EPN2: variants seen among roughly 807,000 people sequenced by gnomAD.
The protein encoded by EPN2 is epsin-2.
Under a neutral mutation model 61.7 loss-of-function variants are expected in EPN2, and 34 were observed. The ratio of observed to expected loss-of-function variants is 0.55; its 90% CI spans 0.42 to 0.73. The LOEUF is 0.73. EPN2 is among the 30% of genes least tolerant of loss of function. The pLI, the probability that EPN2 is intolerant of heterozygous loss-of-function variation, is 0.00. For synonymous variants in EPN2, 349 were observed against 353.6 expected, an observed-to-expected ratio of 0.99 and a Z score of 0.15; for missense variants, 714 against 839.2, an observed-to-expected ratio of 0.85 and a Z score of 1.84.
intron 7 of EPN2, among the ~76,000 whole-genome samples, chr17:19,319,026 G>A (rs775546339): frequency 3.3e-5 from 5 of 151,804 alleles, no homozygotes; most frequent in African/African-American, 9.7e-5. Flanking sequence ...GTGAAACCCC[G>A]TCTCTACTAA....
At chr17:19,255,998 C>T (rs1018696922) in intron 1 of EPN2, among the ~76,000 whole-genome samples, 3 of 151,918 alleles carry the variant, frequency 2.0e-5, no homozygotes, top group Admixed American at 2.0e-4. Context: ...AGTGCAGGGG[C>T]GCGATCTCAG....
intron 4 of EPN2, among the ~76,000 whole-genome samples, chr17:19,309,420 C>T (rs1029544735): frequency 2.0e-4 from 30 of 152,340 alleles, no homozygotes; most frequent in African/African-American, 7.2e-4. Context: ...TGAGCCACCG[C>T]GCCTGGCCTC....
rs768454446 is a variant in EPN2, at chr17:19,331,990, G to A, written c.1549G>A (p.Ala517Thr). Residue 517 changes from alanine (A) to threonine (T), a missense_variant, in exon 10 of 11, where the codon GCG (alanine) becomes ACG (threonine). This residue lies in a region of EPN2 where 410 missense variants were observed against 421.8 expected (regional missense o/e 0.97). Transcript: ENST00000314728. ...KTPESFLGPN[A>T]ALVNLDSLVT... Reference sequence around the variant, plus strand: ...ACCTGAGTCCTTCCTGGGCCCCAACGCGGCCCTGGTGAACCTGGACTCACT... The same window carrying A: ...ACCTGAGTCCTTCCTGGGCCCCAACACGGCCCTGGTGAACCTGGACTCACT... 7 of 1,613,878 alleles carry A rather than the reference G, an allele frequency of 4.3e-6. No individual in the cohort carries two copies. Among genetic ancestry groups the A allele is most frequent in the South Asian group, 1.1e-5 (1 of 91,086 alleles).
intron 1 of EPN2, among the ~76,000 whole-genome samples, chr17:19,262,266 G>T (rs1229111388): frequency 6.6e-6 from 1 of 152,062 alleles, no homozygotes; most frequent in African/African-American, 2.4e-5. Flanking sequence ...ACCACCTGAG[G>T]TCGGGAGTTC....
chr17:19,312,949 G>C, intron 6 of EPN2, 156 bp from the exon 7 acceptor site: 1 of 701,260 alleles, frequency 1.4e-6, no homozygotes, highest in Non-Finnish European at 2.4e-6. Flanking sequence ...GACGGGGAGG[G>C]AGATGGGACG....
At chr17:19,332,572 A>G (rs1015699656) in intron 10 of EPN2, among the ~76,000 whole-genome samples, 4 of 152,114 alleles carry the variant, frequency 2.6e-5, no homozygotes, top group Admixed American at 6.5e-5. Flanking sequence ...CAGCTGTTCA[A>G]TTGGGTATCC....
intron 1 of EPN2, among the ~76,000 whole-genome samples, chr17:19,280,816 C>T (rs2045352380): frequency 6.6e-6 from 1 of 152,150 alleles, no homozygotes; most frequent in Non-Finnish European, 1.5e-5. Context: ...CTTCAGATCC[C>T]ATATGTTGAG....
At chr17:19,257,049 T>C (rs2045088082) in intron 1 of EPN2, among the ~76,000 whole-genome samples, 1 of 152,204 alleles carries the variant, frequency 6.6e-6, no homozygotes, top group African/African-American at 2.4e-5. Context: ...AAATAGCAAG[T>C]CGCACAAGAA....
intron 1 of EPN2, among the ~76,000 whole-genome samples, chr17:19,268,159 C>T (rs1370534326): frequency 6.6e-6 from 1 of 152,150 alleles, no homozygotes; most frequent in African/African-American, 2.4e-5. Context: ...CATTGCAGTG[C>T]CCTTGATGGC....
chr17:19,254,319 ATTAC>A (rs1436821029), intron 1 of EPN2, among the ~76,000 whole-genome samples: 2 of 152,050 alleles, frequency 1.3e-5, no homozygotes, highest in Admixed American at 1.3e-4. Context: ...AGGCCGGTGG[ATTAC>A]TTGAGGTCAG....
At chr17:19,301,490 G>A (rs375470138) in intron 4 of EPN2, among the ~76,000 whole-genome samples, 64 of 152,268 alleles carry the variant, frequency 4.2e-4, no homozygotes, top group African/African-American at 1.4e-3. Context: ...CCAATTAAAT[G>A]TGTCCAGACT....
chr17:19,239,355 T>C (rs2044857007), intron 1 of EPN2, among the ~76,000 whole-genome samples: 1 of 152,226 alleles, frequency 6.6e-6, no homozygotes, highest in Admixed American at 6.5e-5. Flanking sequence ...TTTCGCCACG[T>C]TGGCCAGGCT....
Position 19,244,000 on chromosome 17 carries a change from C to G in EPN2, c.-294+6469C>G, listed in dbSNP as rs565807465. On this transcript the variant is annotated intron_variant, in intron 1 of 10. Coordinates refer to ENST00000314728, the MANE Select transcript of EPN2 (RefSeq NM_014964.5). The stretch of plus-strand genomic sequence containing the variant: ...ACTCAAAAATGACACTGAAATGTTT[C>G]TGAATATTGGTCTGAAGATGATGGA... 3.3e-4 allele frequency among the ~76,000 whole-genome samples: 51 copies of G among 152,250 alleles called. 1 individual carries two copies. The South Asian group carries it at 0.011, about 32-fold the overall frequency.
At chr17:19,273,116 C>T (rs974754569) in intron 1 of EPN2, 7 of 152,228 alleles carry the variant, frequency 4.6e-5, no homozygotes, top group African/African-American at 1.7e-4. Flanking sequence ...AATTTGAGCT[C>T]TGCTGTGTCT....
intron 1 of EPN2, among the ~76,000 whole-genome samples, chr17:19,247,370 G>T (rs1253775340): frequency 6.6e-6 from 1 of 152,192 alleles, no homozygotes; most frequent in East Asian, 1.9e-4. Context: ...CTAGCAGTTT[G>T]TTGAGCCATG....
rs1428477332 is a variant in EPN2, at chr17:19,312,109, C to T, written c.937C>T (p.Arg313Ter). 5.0e-6 allele frequency: 8 copies of T among 1,614,034 alleles called. No homozygotes were observed. Among genetic ancestry groups the T allele is most frequent in the Middle Eastern group, 1.6e-4 (1 of 6,062 alleles). Reference sequence around the variant, plus strand: ...ATTACAGATGGCCCTGGAAGAAAGCCGAAGGGACACAGTTAAAATTCCAAA... The same window carrying T: ...ATTACAGATGGCCCTGGAAGAAAGCTGAAGGGACACAGTTAAAATTCCAAA... ...LRLQMALEES[R>*]RDTVKIPKKK... The change falls in exon 6 of 11, where the codon CGA (arginine) becomes TGA (stop). Residue 313 changes from arginine to a stop codon, truncating the protein, a stop_gained. Transcript: ENST00000314728. LOFTEE classifies it high-confidence loss of function.
chr17:19,285,706 C>G lies in EPN2; in HGVS notation c.682C>G (p.Pro228Ala), dbSNP rs2045397688. Reference protein sequence around the residue: ...EELQPLSQRHPFLPHLGLASR... With the variant: ...EELQPLSQRHAFLPHLGLASR... Reference sequence around the variant, plus strand: ...GCTGCAGCCACTGAGCCAGCGCCACCCCTTCCTGCCGCACCTGGGGCTGGC... The same window carrying G: ...GCTGCAGCCACTGAGCCAGCGCCACGCCTTCCTGCCGCACCTGGGGCTGGC... The change falls in exon 4 of 11, where the codon CCC (proline) becomes GCC (alanine). Residue 228 changes from proline (P) to alanine (A), a missense_variant. Pro to Ala is a conservative substitution (Grantham distance 27). Transcript: ENST00000314728. The surrounding 1 kb of genome is among the most constrained non-coding windows in gnomAD (Gnocchi z 4.5). 1.2e-6 allele frequency: 2 copies of G among 1,601,654 alleles called. No individual in the cohort carries two copies.
intron 4 of EPN2, among the ~76,000 whole-genome samples, chr17:19,302,756 T>C (rs957178505): frequency 6.6e-6 from 1 of 152,144 alleles, no homozygotes; most frequent in Non-Finnish European, 1.5e-5. Context: ...CGTGGAAAAA[T>C]TGTCTTCCAC....
intron 9 of EPN2, among the ~76,000 whole-genome samples, chr17:19,331,370 C>T (rs958454481): frequency 3.3e-5 from 5 of 152,136 alleles, no homozygotes; most frequent in African/African-American, 9.7e-5. Context: ...TGAAGCATCC[C>T]GTCGTGGCAA....
Sources: allele counts gnomAD v4.1 joint callset (sites outside exome capture counted in the v4.1 genomes callset), GRCh38; gene constraint gnomAD v4.1.1; regional missense constraint gnomAD v4.1.1; non-coding constraint Gnocchi (gnomAD v3.1); transcripts MANE v1.5; gene names NCBI Gene and HGNC (gene_info 2026-07-23, HGNC 2026-07-21).